Variants in CAMTA1 observed in about 807,000 individuals in gnomAD.
The protein encoded by CAMTA1 is calmodulin binding transcription activator 1, also known as calmodulin-binding transcription activator 1.
CAMTA1 carries 27 observed loss-of-function variants against 170.9 expected under a neutral mutation model. That is an observed-to-expected ratio of 0.16 (90% confidence interval 0.12 to 0.22). The LOEUF (loss-of-function observed/expected upper bound fraction) is 0.22, where lower values mean the gene tolerates loss of function less well. CAMTA1 is among the 10% of genes least tolerant of loss of function. The pLI, the probability that CAMTA1 is intolerant of heterozygous loss-of-function variation, is 1.00. For synonymous variants in CAMTA1, 833 were observed against 891.5 expected (o/e 0.93, Z 1.17); for missense variants, 1,619 against 2,217.2 (o/e 0.73, Z 5.42).
chr1:7,041,248 T>C lies in CAMTA1; in HGVS notation c.235-50056T>C, dbSNP rs1351561566. ...GAGCTTCTACCGAAGGGTTGCCCTC[T>C]GTCCCCTTCTCGGCTTCCTCTGCAG... On this transcript the variant is annotated intron_variant, in intron 3 of 22. Transcript: ENST00000303635. The surrounding 1 kb of genome is among the most constrained non-coding windows in gnomAD (Gnocchi z 5.1). Among the ~76,000 whole-genome samples the C allele has an allele frequency of 6.6e-6, 1 of 152,260 alleles. No homozygotes were observed. Among genetic ancestry groups the C allele is most frequent in the Non-Finnish European group, 1.5e-5 (1 of 68,042 alleles).
chr1:7,277,928 C>G (rs1376829797), intron 5 of CAMTA1, among the ~76,000 whole-genome samples: 1 of 152,156 alleles, frequency 6.6e-6, no homozygotes, highest in Non-Finnish European at 1.5e-5. Context: ...GAGACTATTA[C>G]TACTATTTGC....
intron 6 of CAMTA1, among the ~76,000 whole-genome samples, chr1:7,520,546 G>A (rs1386579230): frequency 6.6e-6 from 1 of 151,652 alleles, no homozygotes; most frequent in Non-Finnish European, 1.5e-5. Context: ...GAGTGGGAGT[G>A]TCTCTCCCAC....
intron 3 of CAMTA1, among the ~76,000 whole-genome samples, chr1:7,037,635 C>T (rs891077587): frequency 2.3e-4 from 35 of 152,044 alleles, no homozygotes; most frequent in African/African-American, 8.2e-4. Context: ...GTCAGGAGAT[C>T]GAGACTATCC....
In CAMTA1 at chr1:7,639,646, G is replaced by A. The variant is rs547586134; in HGVS notation, c.511-754G>A. On this transcript the variant is annotated intron_variant, in intron 6 of 22. Transcript: ENST00000303635. ...AAATTAGCCAGGCATGGTGGTGTGT[G>A]CCTGTAGTCCCAGCCTCAGGAGGCT... Among the ~76,000 whole-genome samples, 8 of 152,238 alleles carry A rather than the reference G, an allele frequency of 5.3e-5. No individual in the cohort carries two copies. In the East Asian group the frequency reaches 1.2e-3, roughly 22 times the overall value.
chr1:7,249,739 G>A lies in CAMTA1; in HGVS notation c.438+113G>A. On this transcript the variant is annotated intron_variant, in intron 5 of 22. Transcript: ENST00000303635. The surrounding 1 kb of genome is among the most constrained non-coding windows in gnomAD (Gnocchi z 4.4). ...AGTCACCTCTGTCCAAAGAATTTTTGTTTGCCAAGACCCTGGTTTTTGCTT... is the reference window on the plus strand; with the variant it reads ...AGTCACCTCTGTCCAAAGAATTTTTATTTGCCAAGACCCTGGTTTTTGCTT... 3.1e-6 allele frequency: 4 copies of A among 1,275,324 alleles called. No individual in the cohort carries two copies. Among genetic ancestry groups the A allele is most frequent in the East Asian group, 2.5e-5 (1 of 39,330 alleles). The allele number at this position is 1,275,324 out of a possible 1,614,324, so 79.0% of individuals were successfully genotyped here. A position where few individuals can be genotyped will look rare whatever the true frequency, so the allele number is the denominator to read the frequency against.
chr1:7,231,785 C>T (rs1277818019), intron 4 of CAMTA1, among the ~76,000 whole-genome samples: 4 of 152,220 alleles, frequency 2.6e-5, no homozygotes, highest in Non-Finnish European at 5.9e-5. Context: ...ACTGCTTGGC[C>T]TCTGACATGT....
intron 5 of CAMTA1, among the ~76,000 whole-genome samples, chr1:7,411,203 G>A (rs1305319416): frequency 1.3e-5 from 2 of 152,160 alleles, no homozygotes; most frequent in African/African-American, 4.8e-5. Flanking sequence ...TGGTTTGGAG[G>A]GGCCGCGTCG....
intron 6 of CAMTA1, among the ~76,000 whole-genome samples, chr1:7,498,943 G>A (rs1368142301): frequency 6.8e-6 from 1 of 147,682 alleles, no homozygotes; most frequent in Non-Finnish European, 1.5e-5. Context: ...GTGCATGTGT[G>A]TCCATGAGTG....
At chr1:7,728,561 C>T (rs765004278) in intron 11 of CAMTA1, among the ~76,000 whole-genome samples, 20 of 152,342 alleles carry the variant, frequency 1.3e-4, no homozygotes, top group Non-Finnish European at 2.5e-4. Flanking sequence ...AATCACAGAT[C>T]TGTGGCTATG....
chr1:7,135,248 CG>C (rs999727600), intron 4 of CAMTA1, among the ~76,000 whole-genome samples: 1 of 151,892 alleles, frequency 6.6e-6, no homozygotes, highest in African/African-American at 2.4e-5. Context: ...ATTAGCCAAG[CG>C]GGGTGGTGGG....
At chr1:7,098,708 C>T (rs1642379455) in intron 4 of CAMTA1, among the ~76,000 whole-genome samples, 1 of 152,244 alleles carries the variant, frequency 6.6e-6, no homozygotes, top group Admixed American at 6.5e-5. Context: ...CCACTCCTCA[C>T]ATCCCCTCCG....
chr1:6,919,845 C>T (rs536298973), intron 3 of CAMTA1, among the ~76,000 whole-genome samples: 15 of 152,220 alleles, frequency 9.9e-5, no homozygotes, highest in African/African-American at 2.2e-4. Context: ...TTCGCTATTA[C>T]GAGAACAGCA....
chr1:7,227,391 G>C (rs547164111), intron 4 of CAMTA1, among the ~76,000 whole-genome samples: 1 of 152,170 alleles, frequency 6.6e-6, no homozygotes, highest in African/African-American at 2.4e-5. Context: ...GCAATGGTGT[G>C]ATCTTGGCTC....
intron 3 of CAMTA1, among the ~76,000 whole-genome samples, chr1:6,840,307 C>T (rs571549816): frequency 6.6e-6 from 1 of 152,290 alleles, no homozygotes; most frequent in Admixed American, 6.5e-5. Context: ...CAAAGGCTTT[C>T]TTGGCTACTG....
chr1:6,955,271 G>A (rs995326791), intron 3 of CAMTA1, among the ~76,000 whole-genome samples: 4 of 152,030 alleles, frequency 2.6e-5, no homozygotes, highest in East Asian at 3.9e-4. Context: ...AGCACTGGGC[G>A]TGCACCCTGC....
At chr1:7,123,155 C>T (rs1435372040) in intron 4 of CAMTA1, among the ~76,000 whole-genome samples, 3 of 152,126 alleles carry the variant, frequency 2.0e-5, no homozygotes, top group African/African-American at 7.2e-5. Flanking sequence ...TCAACAATAA[C>T]CATTTCTTGC....
At chr1:7,632,827 A>G (rs190898284) in intron 6 of CAMTA1, among the ~76,000 whole-genome samples, 14 of 152,358 alleles carry the variant, frequency 9.2e-5, no homozygotes, top group Admixed American at 8.5e-4. Flanking sequence ...TGCATCCTCA[A>G]CCAACTCCAA....
intron 4 of CAMTA1, among the ~76,000 whole-genome samples, chr1:7,163,857 T>TTATCAA (rs1243815069): frequency 6.6e-6 from 1 of 152,224 alleles, no homozygotes; most frequent in Non-Finnish European, 1.5e-5. Context: ...TCTTAGCACC[T>TTATCAA]GTCACATCCT....
intron 5 of CAMTA1, among the ~76,000 whole-genome samples, chr1:7,384,136 C>T (rs924071009): frequency 2.6e-5 from 4 of 152,164 alleles, no homozygotes; most frequent in African/African-American, 9.7e-5. Flanking sequence ...CAGGAAATAC[C>T]ATGGGAAGGC....
Sources: allele counts gnomAD v4.1 joint callset (sites outside exome capture counted in the v4.1 genomes callset), GRCh38; gene constraint gnomAD v4.1.1; non-coding constraint Gnocchi (gnomAD v3.1); transcripts MANE v1.5; gene names NCBI Gene and HGNC (gene_info 2026-07-23, HGNC 2026-07-21).